The following LMX1A variants were observed in gnomAD, a reference collection of about 807,000 sequenced individuals.
LMX1A encodes the protein LIM homeobox transcription factor 1 alpha.
A neutral mutation model predicts 49.1 loss-of-function variants in LMX1A; 15 were observed. The ratio of observed to expected loss-of-function variants is 0.31; its 90% CI spans 0.20 to 0.47. The LOEUF (loss-of-function observed/expected upper bound fraction) is 0.47. LMX1A is among the 20% of genes least tolerant of loss of function. The pLI is 1.00. For missense variants in LMX1A, 372 were observed against 475.8 expected (o/e 0.78, Z 2.03); for synonymous variants, 167 against 185.7 (o/e 0.90, Z 0.82).
chr1:165,327,641 T>C (rs1034368103), intron 3 of LMX1A, among the ~76,000 whole-genome samples: 5 of 152,192 alleles, frequency 3.3e-5, no homozygotes, highest in Non-Finnish European at 7.3e-5. Flanking sequence ...GCCTCAGGTT[T>C]CTCGTCCCAC....
intron 3 of LMX1A, among the ~76,000 whole-genome samples, chr1:165,293,365 T>C (rs1014768375): frequency 1.3e-5 from 2 of 152,194 alleles, no homozygotes; most frequent in Admixed American, 6.5e-5. Flanking sequence ...AAAATAACCA[T>C]CTGAACCAGG....
At chr1:165,311,370 C>T (rs565861821) in intron 3 of LMX1A, among the ~76,000 whole-genome samples, 1 of 152,296 alleles carries the variant, frequency 6.6e-6, no homozygotes, top group South Asian at 2.1e-4. Flanking sequence ...TGACAAGAAG[C>T]CTCCTCTCAA....
chr1:165,217,989 A>C (rs1032047489), intron 4 of LMX1A, among the ~76,000 whole-genome samples: 1 of 150,744 alleles, frequency 6.6e-6, no homozygotes. Flanking sequence ...TAGCCTTTGC[A>C]TGCCTCACAG....
chr1:165,258,456 G>A lies in LMX1A; in HGVS notation c.264-8816C>T, dbSNP rs144879146. On this transcript the variant is annotated intron_variant, in intron 3 of 8. Transcript: ENST00000342310. ...TGGGAAAGTCTGCATGGACAATAGA[G>A]TGGCAGGATCTTCTATAGGAGACAG... 1.9e-4 allele frequency among the ~76,000 whole-genome samples: 29 copies of A among 152,298 alleles called. No individual in the cohort carries two copies. The East Asian group carries it at 5.6e-3, about 29-fold the overall frequency.
chr1:165,206,037 G>A lies in LMX1A; in HGVS notation c.818-3C>T, dbSNP rs2102593683. 1.3e-6 allele frequency: 2 copies of A among 1,537,598 alleles called. No homozygotes were observed. The highest frequency in any genetic ancestry group is 8.7e-7 in the Non-Finnish European group (1 of 1,143,684). ...ACTCCCACCACCGTTTGTCTGAGCT[G>A]TGGAACAAAGAAGAAGCCAGGTCAT... On this transcript the variant is annotated splice_region_variant and splice_polypyrimidine_tract_variant and intron_variant, in intron 7 of 8. Transcript: ENST00000342310.
intron 6 of LMX1A, among the ~76,000 whole-genome samples, chr1:165,208,355 C>T (rs1651188578): frequency 6.6e-6 from 1 of 152,206 alleles, no homozygotes; most frequent in African/African-American, 2.4e-5. Flanking sequence ...GGCTGGGAAG[C>T]AGGGGTGCAG....
chr1:165,354,083 C>T (rs879208074), intron 2 of LMX1A, among the ~76,000 whole-genome samples: 1 of 152,090 alleles, frequency 6.6e-6, no homozygotes, highest in Non-Finnish European at 1.5e-5. Flanking sequence ...TTGTGGGGGG[C>T]GGAGAGGTGG....
At position 165,355,082 on chromosome 1, in the gene LMX1A, C is replaced by T. The variant is rs1490609696; in HGVS notation, c.76+402G>A. Among the ~76,000 whole-genome samples the T allele has an allele frequency of 6.6e-6, 1 of 152,180 alleles. No individual in the cohort carries two copies. Among genetic ancestry groups the T allele is most frequent in the Non-Finnish European group, 1.5e-5 (1 of 68,034 alleles). On this transcript the variant is annotated intron_variant, in intron 2 of 8. Coordinates refer to ENST00000342310, the MANE Select transcript of LMX1A (RefSeq NM_177398.4). This position sits in a 1 kb window ranked among gnomAD's most constrained non-coding sequence, Gnocchi z 4.7. Reference sequence around the variant, plus strand: ...GGAGTTGGTGGGGGAGAGAAGCCTCCTCGAACTTGGGCGCTCCAGGCCTCG... The same window carrying T: ...GGAGTTGGTGGGGGAGAGAAGCCTCTTCGAACTTGGGCGCTCCAGGCCTCG...
chr1:165,239,808 A>T (rs2135659), intron 4 of LMX1A, among the ~76,000 whole-genome samples: 1 of 152,224 alleles, frequency 6.6e-6, no homozygotes, highest in Non-Finnish European at 1.5e-5. Flanking sequence ...CAGTTATTAC[A>T]TGTTTACTGT....
intron 4 of LMX1A, among the ~76,000 whole-genome samples, chr1:165,229,495 G>A (rs1481430604): frequency 3.9e-5 from 6 of 152,210 alleles, no homozygotes; most frequent in Non-Finnish European, 8.8e-5. Context: ...GTGGGAGGAA[G>A]CCTGATACTA....
chr1:165,308,872 T>C (rs1654994545), intron 3 of LMX1A, among the ~76,000 whole-genome samples: 1 of 152,168 alleles, frequency 6.6e-6, no homozygotes. Flanking sequence ...GGTGATCTGC[T>C]CATCTTGAAA....
intron 3 of LMX1A, among the ~76,000 whole-genome samples, chr1:165,275,040 T>G (rs1653922879): frequency 6.6e-6 from 1 of 152,216 alleles, no homozygotes; most frequent in South Asian, 2.1e-4. Flanking sequence ...TTTTTGGTCT[T>G]ATTTTAATTT....
At chr1:165,235,685 G>GC (rs1314117818) in intron 4 of LMX1A, among the ~76,000 whole-genome samples, 1 of 152,120 alleles carries the variant, frequency 6.6e-6, no homozygotes, top group Non-Finnish European at 1.5e-5. Context: ...CTCCGCCCGC[G>GC]CGGGGCTTTG....
intron 3 of LMX1A, among the ~76,000 whole-genome samples, chr1:165,348,594 A>G (rs1467046760): frequency 1.3e-5 from 2 of 152,154 alleles, no homozygotes; most frequent in African/African-American, 4.8e-5. Context: ...AGGGACAACA[A>G]AAGATAAAGT....
intron 3 of LMX1A, among the ~76,000 whole-genome samples, chr1:165,285,795 A>G (rs1347896210): frequency 2.0e-5 from 3 of 152,088 alleles, no homozygotes; most frequent in African/African-American, 7.2e-5. Context: ...AGCCCAATGG[A>G]CCCTTGTCTA....
intron 3 of LMX1A, among the ~76,000 whole-genome samples, chr1:165,283,335 A>G (rs1018955924): frequency 6.6e-6 from 1 of 152,220 alleles, no homozygotes; most frequent in African/African-American, 2.4e-5. Context: ...ACAATCTGTG[A>G]TGTTCACATG....
intron 3 of LMX1A, among the ~76,000 whole-genome samples, chr1:165,268,548 TAGTA>T (rs1653695012): frequency 1.3e-5 from 2 of 152,168 alleles, no homozygotes; most frequent in Admixed American, 1.3e-4. Context: ...TATGTACACA[TAGTA>T]AGTAAGGTGG....
intron 3 of LMX1A, among the ~76,000 whole-genome samples, chr1:165,314,893 G>A (rs956735986): frequency 3.3e-5 from 5 of 152,182 alleles, no homozygotes; most frequent in African/African-American, 1.2e-4. Context: ...GCATCAGATG[G>A]AGCACAGCAA....
chr1:165,351,303 G>C (rs191494893), intron 3 of LMX1A, among the ~76,000 whole-genome samples: 1 of 152,180 alleles, frequency 6.6e-6, no homozygotes, highest in East Asian at 1.9e-4. Flanking sequence ...TTAAAGATTG[G>C]GTCTACACAA....
Sources: gnomAD v4.1 joint callset for allele counts (sites outside exome capture counted in the v4.1 genomes callset) on GRCh38, gnomAD v4.1.1 for gene constraint, Gnocchi (gnomAD v3.1) non-coding constraint, MANE v1.5 for transcripts, NCBI Gene and HGNC (gene_info 2026-07-23, HGNC 2026-07-21) for gene names.